Variants in POLN observed in about 807,000 individuals in gnomAD.
POLN encodes the protein DNA polymerase N.
In POLN, 108 loss-of-function variants were observed where a neutral mutation model predicts 113.5. The ratio of observed to expected loss-of-function variants is 0.95; its 90% CI spans 0.81 to 1.12. The LOEUF (loss-of-function observed/expected upper bound fraction) is 1.12. Among genes scored for constraint, POLN ranks in the 50% most tolerant of loss-of-function variants. The pLI is 0.00. For synonymous variants in POLN, 386 were observed against 391.5 expected (o/e 0.99, Z 0.17); for missense variants, 1,097 against 1,077.1 (o/e 1.02, Z -0.26).
intron 9 of POLN, 124 bp from the exon 10 acceptor site, chr4:2,174,875 T>C: frequency 1.5e-6 from 1 of 650,132 alleles, no homozygotes; most frequent in Non-Finnish European, 2.6e-6. Context: ...CAGGTTGGAG[T>C]GCAGTGGCGT....
At chr4:2,177,373 T>G (rs1733023111) in intron 8 of POLN, 2 of 419,156 alleles carry the variant, frequency 4.8e-6, no homozygotes, top group Non-Finnish European at 9.5e-6. Flanking sequence ...TGCTGCTCCC[T>G]CTACCTGGAA....
At chr4:2,168,581 C>G (rs1195301731) in intron 13 of POLN, among the ~76,000 whole-genome samples, 1 of 152,218 alleles carries the variant, frequency 6.6e-6, no homozygotes, top group East Asian at 1.9e-4. Flanking sequence ...AGTGATGCGT[C>G]CTTTCTTGCA....
chr4:2,138,559 G>A lies in POLN; in HGVS notation c.1732-7269C>T, dbSNP rs776800357. Among the ~76,000 whole-genome samples, 143 of 152,142 alleles carry A rather than the reference G, an allele frequency of 9.4e-4. 2 individuals are homozygous for A. Among genetic ancestry groups the A allele is most frequent in the Non-Finnish European group, 2.4e-4 (16 of 68,022 alleles). On this transcript the variant is annotated intron_variant, in intron 16 of 25. Transcript: ENST00000511885. ...GTGTGACCAGTTGAGCTGAGGAATC[G>A]CCACCCCCACAGGGTAGCTCAGAGG...
chr4:2,178,175 C>T lies in POLN; in HGVS notation c.1179+1133G>A, dbSNP rs193123466. The stretch of plus-strand genomic sequence containing the variant: ...GGTGCCTGACACGGGCTCATATCAC[C>T]TCTTACCCCCAGCTCAGTGCCCAGT... On this transcript the variant is annotated intron_variant, in intron 8 of 25. Coordinates refer to ENST00000511885, the MANE Select transcript of POLN (RefSeq NM_181808.4). Among the ~76,000 whole-genome samples the T allele has an allele frequency of 2.6e-5, 4 of 152,290 alleles. No individual in the cohort carries two copies. In the East Asian group the frequency reaches 7.7e-4, roughly 29 times the overall value.
chr4:2,198,541 T>A lies in POLN; in HGVS notation c.891A>T (p.Ala297=), dbSNP rs769080106. 3 of 1,610,050 alleles carry A rather than the reference T, an allele frequency of 1.9e-6. No individual in the cohort carries two copies. Among genetic ancestry groups the A allele is most frequent in the Non-Finnish European group, 2.5e-6 (3 of 1,178,054 alleles). Residue 297 remains alanine, a synonymous_variant, in exon 6 of 26, where the codon GCA becomes GCT. Transcript: ENST00000511885. ...TTTCTTACCGGGCAAATTGTTGATG[T>A]GCCTCCTGTTCTTGGTCCCAGATAG... ...HSAIWDQEQE[A]HQQFARNVLF... is the part of the protein sequence containing the mutation.
At chr4:2,153,347 A>G (rs2108738289) in intron 16 of POLN, among the ~76,000 whole-genome samples, 1 of 152,274 alleles carries the variant, frequency 6.6e-6, no homozygotes, top group East Asian at 1.9e-4. Context: ...GAGCACTGGG[A>G]TTGAGGGTGG....
chr4:2,089,788 T>C (rs1444380435), intron 20 of POLN: 5 of 756,660 alleles, frequency 6.6e-6, no homozygotes, highest in Non-Finnish European at 1.1e-5. Flanking sequence ...GAATGCAGAA[T>C]CATCTTTGGA....
At position 2,170,770 on chromosome 4, in the gene POLN, A is replaced by C; in HGVS notation, c.1463T>G (p.Leu488Arg). 6.2e-7 allele frequency: 1 copy of C among 1,613,664 alleles called. No homozygotes were observed. Among genetic ancestry groups the C allele is most frequent in the Non-Finnish European group, 8.5e-7 (1 of 1,179,530 alleles). Residue 488 changes from leucine to arginine, a missense_variant, in exon 13 of 26, where the codon CTC (leucine) becomes CGC (arginine). Leu to Arg is a moderately radical substitution (Grantham distance 102, BLOSUM62 -2). Transcript: ENST00000511885. ...CAGGTGCAGCTTTAACTTGCCAAAG[A>C]GGATCTTCAACAAAACAAATTAAAC... is the stretch of plus-strand genomic sequence containing the variant. ...ITSNNQLREI[L>R]FGKLKLHLLS...
At chr4:2,090,328 G>T in intron 20 of POLN, 1 of 803,764 alleles carries the variant, frequency 1.2e-6, no homozygotes. Flanking sequence ...ATTTCATCTG[G>T]CACAGCATCT....
intron 2 of POLN, among the ~76,000 whole-genome samples, chr4:2,237,270 A>T (rs1162006372): frequency 4.8e-5 from 7 of 146,200 alleles, no homozygotes; most frequent in East Asian, 4.0e-4. Flanking sequence ...ATCTCTACAA[A>T]TTTTTTTTTT....
chr4:2,121,446 A>ATAT (rs35672300), intron 19 of POLN, among the ~76,000 whole-genome samples: 83 of 83,862 alleles, frequency 9.9e-4, no homozygotes, highest in South Asian at 6.1e-3. Flanking sequence ...AAAAAAAAAA[A>ATAT]AAAAAAATAT....
rs571935328 is a variant in POLN at position 2,174,382 on chromosome 4, G to A, written c.1309+309C>T. Among the ~76,000 whole-genome samples the A allele has an allele frequency of 7.9e-5, 12 of 152,342 alleles. 1 individual carries two copies. The highest frequency in any genetic ancestry group is 1.3e-4 in the Admixed American group (2 of 15,302). On this transcript the variant is annotated intron_variant, in intron 10 of 25. Transcript: ENST00000511885. ...TGCAGGAAGGTTCTCAAGGTTATAA[G>A]GACAGCAAACCAGAATGAGAGACAA...
intron 20 of POLN, among the ~76,000 whole-genome samples, chr4:2,087,527 T>C (rs1479206871): frequency 2.0e-5 from 3 of 152,342 alleles, no homozygotes; most frequent in African/African-American, 7.2e-5. Context: ...TTATTTTGGA[T>C]ATATAGTTTT....
intron 11 of POLN, among the ~76,000 whole-genome samples, chr4:2,172,721 T>C (rs754135786): frequency 9.2e-5 from 14 of 152,202 alleles, no homozygotes; most frequent in Non-Finnish European, 1.5e-5. Context: ...CCCGTATGCA[T>C]TCTCATGGGT....
At position 2,131,226 on chromosome 4, in the gene POLN, G is replaced by T; in HGVS notation, c.1789+7C>A. 3 of 1,569,788 alleles carry T rather than the reference G, an allele frequency of 1.9e-6. No homozygotes were observed. Among genetic ancestry groups the T allele is most frequent in the Non-Finnish European group, 2.6e-6 (3 of 1,142,418 alleles). On this transcript the variant is annotated splice_region_variant and intron_variant, in intron 17 of 25. Transcript: ENST00000511885. ...AGACTTTAGCAAGGTAGTAAGAAAT[G>T]AGTTACCTTTAAAATTCTTAGGTGT...
intron 19 of POLN, among the ~76,000 whole-genome samples, chr4:2,098,934 AC>A (rs1206072859): frequency 6.6e-6 from 1 of 152,254 alleles, no homozygotes; most frequent in African/African-American, 2.4e-5. Flanking sequence ...ACACACACAC[AC>A]ACACACACAC....
intron 2 of POLN, among the ~76,000 whole-genome samples, chr4:2,237,317 T>G (rs1400864246): frequency 6.6e-6 from 1 of 151,566 alleles, no homozygotes; most frequent in African/African-American, 2.4e-5. Flanking sequence ...GTGCCTGTAG[T>G]CCTAACTACT....
chr4:2,232,135 A>G, intron 2 of POLN: 3 of 1,559,186 alleles, frequency 1.9e-6, no homozygotes, highest in Non-Finnish European at 1.7e-6. Flanking sequence ...TTGAGATTCA[A>G]CTTTATGAAA....
intron 7 of POLN, among the ~76,000 whole-genome samples, chr4:2,184,241 A>G (rs1453943983): frequency 7.0e-6 from 1 of 142,158 alleles, no homozygotes; most frequent in Non-Finnish European, 1.5e-5. Context: ...CTAGTAAAAC[A>G]CTAGACTTTA....
Sources: gnomAD v4.1 joint callset for allele counts (sites outside exome capture counted in the v4.1 genomes callset) on GRCh38, gnomAD v4.1.1 for gene constraint, MANE v1.5 for transcripts, NCBI Gene and HGNC (gene_info 2026-07-23, HGNC 2026-07-21) for gene names.